MERTK: variants seen among roughly 807,000 people sequenced by gnomAD.
MERTK encodes MER proto-oncogene, tyrosine kinase.
Under a neutral mutation model 99.3 loss-of-function variants are expected in MERTK, and 69 were observed. The ratio of observed to expected loss-of-function variants is 0.70; its 90% confidence interval spans 0.57 to 0.85. The LOEUF is 0.85. Ranked by LOEUF, MERTK falls within the 40% of genes least tolerant of loss-of-function variation. The probability of loss-of-function intolerance (pLI) is 0.00; values close to 1 mark genes in which losing one functional copy is unlikely to be tolerated. For missense variants in MERTK, 1,125 were observed against 1,249.4 expected (o/e 0.90, Z 1.50); for synonymous variants, 426 against 467.6 (o/e 0.91, Z 1.15).
Position 112,008,384 on chromosome 2 carries a change from G to A in MERTK, c.1869G>A (p.Leu623=). 2.5e-6 allele frequency: 4 copies of A among 1,612,306 alleles called. No individual in the cohort carries two copies. The highest frequency in any genetic ancestry group is 3.4e-6 in the Non-Finnish European group (4 of 1,178,442). ...SLKVAVKTMK[L]DNSSQREIEE... is the part of the protein sequence containing the mutation. The stretch of plus-strand genomic sequence containing the variant: ...AACCTTTTCTATTTTCTCCTCTAGT[G>A]GACAACTCTTCACAGCGGGAGATCG... The change falls in exon 14 of 19, where the codon TTG becomes TTA. Residue 623 remains leucine (L), a splice_region_variant and synonymous_variant. Transcript: ENST00000295408.
rs564058680 is a variant in MERTK, at chr2:112,023,518, A to G, written c.2486+1124A>G. ...CAGCTGTGACACACACACAGCACAC[A>G]TCCCATCCTGACAGGGCCCCCGTCT... is the stretch of plus-strand genomic sequence containing the variant. On this transcript the variant is annotated intron_variant, in intron 18 of 18. Transcript: ENST00000295408. 1.4e-4 allele frequency among the ~76,000 whole-genome samples: 22 copies of G among 152,130 alleles called. No homozygotes were observed. In the South Asian group the frequency reaches 4.4e-3, roughly 30 times the overall value.
chr2:111,970,119 T>G (rs931368870), intron 6 of MERTK, among the ~76,000 whole-genome samples: 2 of 152,098 alleles, frequency 1.3e-5, no homozygotes, highest in Admixed American at 6.6e-5. Flanking sequence ...TTTTTGTGAT[T>G]GATTTTTTTT....
intron 7 of MERTK, 126 bp downstream of exon 7, chr2:111,975,598 A>G: frequency 9.9e-7 from 1 of 1,005,884 alleles, no homozygotes; most frequent in Non-Finnish European, 1.6e-6. Flanking sequence ...GGAGAAAATT[A>G]TTGAGGCGAC....
At chr2:111,990,480 G>A (rs1335205496) in intron 8 of MERTK, among the ~76,000 whole-genome samples, 5 of 152,104 alleles carry the variant, frequency 3.3e-5, no homozygotes, top group East Asian at 1.9e-4. Context: ...ATCATCGAAC[G>A]GTGGGTGCAT....
At chr2:111,964,287 T>C (rs1685315212) in intron 4 of MERTK, among the ~76,000 whole-genome samples, 1 of 152,186 alleles carries the variant, frequency 6.6e-6, no homozygotes, top group Non-Finnish European at 1.5e-5. Flanking sequence ...TTTATTTTCC[T>C]GCTCAAATTG....
intron 15 of MERTK, among the ~76,000 whole-genome samples, chr2:112,017,310 C>T (rs1677237947): frequency 6.6e-6 from 1 of 152,090 alleles, no homozygotes; most frequent in Non-Finnish European, 1.5e-5. Flanking sequence ...ATTTACAATC[C>T]TTTAGCTAGA....
chr2:112,003,491 G>T, intron 12 of MERTK: 1 of 332,026 alleles, frequency 3.0e-6, no homozygotes, highest in Non-Finnish European at 5.6e-6. Context: ...TATTCCTCTA[G>T]TTCTTAAGTT....
intron 1 of MERTK, among the ~76,000 whole-genome samples, chr2:111,904,609 C>T (rs767419247): frequency 2.6e-5 from 4 of 152,046 alleles, no homozygotes; most frequent in East Asian, 1.9e-4. Context: ...CTCCTGACCT[C>T]GCGATCCACC....
At chr2:111,910,202 C>T (rs1173616325) in intron 1 of MERTK, among the ~76,000 whole-genome samples, 1 of 151,904 alleles carries the variant, frequency 6.6e-6, no homozygotes, top group East Asian at 1.9e-4. Context: ...GAGTTTGAGA[C>T]TGTACTGAGC....
At chr2:111,937,794 G>A (rs143319070) in intron 2 of MERTK, among the ~76,000 whole-genome samples, 61 of 152,308 alleles carry the variant, frequency 4.0e-4, no homozygotes, top group Admixed American at 3.0e-3. Flanking sequence ...CTTTCAGCTC[G>A]AACTTCCTTG....
intron 1 of MERTK, among the ~76,000 whole-genome samples, chr2:111,906,377 T>C (rs1684136744): frequency 6.6e-6 from 1 of 152,254 alleles, no homozygotes; most frequent in African/African-American, 2.4e-5. Context: ...TGTTTTGTTA[T>C]TTTAAGCCTT....
Position 112,019,412 on chromosome 2 carries a change from G to A in MERTK, c.2080-1G>A. ...TTCTTCTTGTTTCCTCTATCATCTA[G>A]CATATTCCTCTGCAGACACTATTGA... is the stretch of plus-strand genomic sequence containing the variant. On this transcript the variant is annotated splice_acceptor_variant, in intron 15 of 18. Coordinates refer to ENST00000295408, the MANE Select transcript of MERTK (RefSeq NM_006343.3). LOFTEE classifies it high-confidence loss of function. 6.2e-7 allele frequency: 1 copy of A among 1,603,550 alleles called. No homozygotes were observed.
At chr2:111,948,262 T>C (rs535040251) in intron 4 of MERTK, among the ~76,000 whole-genome samples, 1 of 152,326 alleles carries the variant, frequency 6.6e-6, no homozygotes, top group East Asian at 1.9e-4. Flanking sequence ...GCGTGGACTT[T>C]TGGAAACACT....
rs1440341849 is a variant in MERTK at position 111,980,338 on chromosome 2, T to C, written c.1145-2504T>C. On this transcript the variant is annotated intron_variant, in intron 7 of 18. Transcript: ENST00000295408. ...GCTTCAGAGAATAAATCACCCTGTG[T>C]CCTATGGATATTTGAGGGCATACTT... Among the ~76,000 whole-genome samples the C allele has an allele frequency of 2.0e-5, 3 of 151,962 alleles. No homozygotes were observed. In the East Asian group the frequency reaches 5.8e-4, roughly 29 times the overall value.
chr2:111,968,195 G>A lies in MERTK; in HGVS notation c.903G>A (p.Leu301=). The A allele has an allele frequency of 6.2e-7, 1 of 1,614,026 alleles. No homozygotes were observed. Among genetic ancestry groups the A allele is most frequent in the Non-Finnish European group, 8.5e-7 (1 of 1,179,994 alleles). ...SIRNSTAHSI[L]ISWVPGFDGY... is the part of the protein sequence containing the mutation. ...GTAACAGCACTGCACACAGCATTCT[G>A]ATCTCCTGGGTTCCTGGTTTTGATG... Residue 301 remains leucine (L), a synonymous_variant, in exon 6 of 19, where the codon CTG becomes CTA. Coordinates refer to ENST00000295408, the MANE Select transcript of MERTK (RefSeq NM_006343.3).
intron 15 of MERTK, among the ~76,000 whole-genome samples, chr2:112,015,312 C>T (rs1429781693): frequency 6.6e-6 from 1 of 152,120 alleles, no homozygotes; most frequent in Admixed American, 6.5e-5. Context: ...TGCAGTGCTC[C>T]CCATTCTTAT....
intron 7 of MERTK, among the ~76,000 whole-genome samples, chr2:111,977,014 T>C (rs763741467): frequency 1.1e-4 from 16 of 152,190 alleles, no homozygotes; most frequent in Non-Finnish European, 1.6e-4. Context: ...ATACCATTGC[T>C]ACACTGTTGT....
At position 111,971,515 on chromosome 2, in the gene MERTK, T is replaced by C. The variant is rs571306216; in HGVS notation, c.960+3263T>C. On this transcript the variant is annotated intron_variant, in intron 6 of 18. Transcript: ENST00000295408. ...ATAAGGTTTTCGTTGTTGTTGTTGT[T>C]GTTCATCTCAAGTTTTCTGTCATTT... 3.9e-5 allele frequency among the ~76,000 whole-genome samples: 6 copies of C among 152,306 alleles called. No homozygotes were observed. In the South Asian group the frequency reaches 1.2e-3, roughly 32 times the overall value.
chr2:111,961,222 T>C (rs530878079), intron 4 of MERTK, among the ~76,000 whole-genome samples: 54 of 144,182 alleles, frequency 3.7e-4, no homozygotes, highest in African/African-American at 1.3e-3. Context: ...AGTGCAGTGG[T>C]GTGATCTCGG....
Sources: allele counts gnomAD v4.1 joint callset (sites outside exome capture counted in the v4.1 genomes callset), GRCh38; gene constraint gnomAD v4.1.1; transcripts MANE v1.5; gene names NCBI Gene and HGNC (gene_info 2026-07-23, HGNC 2026-07-21).